Variants in GBE1 observed in about 807,000 individuals in gnomAD.
GBE1 encodes the protein 1,4-alpha-glucan-branching enzyme.
A neutral mutation model predicts 88.8 loss-of-function variants in GBE1; 70 were observed. The ratio of observed to expected loss-of-function variants is 0.79; its 90% CI spans 0.65 to 0.96. GBE1 has a LOEUF of 0.96. GBE1 is among the 40% of genes least tolerant of loss of function. The pLI is 0.00. For missense variants in GBE1, 872 were observed against 871.0 expected (o/e 1.00, Z -0.01); for synonymous variants, 284 against 300.1 (o/e 0.95, Z 0.56).
chr3:81,595,379 T>C (rs1451656016), intron 7 of GBE1, among the ~76,000 whole-genome samples: 2 of 151,820 alleles, frequency 1.3e-5, no homozygotes, highest in Admixed American at 6.6e-5. Context: ...ATATTGTTTA[T>C]AGTTTTCTTA....
At chr3:81,712,780 T>C (rs1705887664) in intron 1 of GBE1, among the ~76,000 whole-genome samples, 1 of 151,816 alleles carries the variant, frequency 6.6e-6, no homozygotes, top group Non-Finnish European at 1.5e-5. Context: ...ACATATACCC[T>C]AGAACTTAAA....
At chr3:81,684,278 A>G (rs574416001) in intron 2 of GBE1, among the ~76,000 whole-genome samples, 2 of 152,370 alleles carry the variant, frequency 1.3e-5, no homozygotes, top group East Asian at 3.9e-4. Flanking sequence ...TCAGCCCAGC[A>G]TCTATCTACT....
Position 81,535,080 on chromosome 3 carries a change from G to A in GBE1, c.1934+115C>T. 3.1e-6 allele frequency: 3 copies of A among 965,770 alleles called. No individual in the cohort carries two copies. In the East Asian group the frequency reaches 8.1e-5, roughly 26 times the overall value. The allele number at this position is 965,770 out of a possible 1,614,324, so 59.8% of individuals were successfully genotyped here. On this transcript the variant is annotated intron_variant, in intron 14 of 15. Transcript: ENST00000429644. ...TTAAGTTCCTCATTTTTCAGATGAG[G>A]AAAATGAATGTTTCTGTCATCAAGA... is the stretch of plus-strand genomic sequence containing the variant.
chr3:81,648,324 G>A (rs1016545834), intron 5 of GBE1, among the ~76,000 whole-genome samples: 1 of 152,006 alleles, frequency 6.6e-6, no homozygotes. Context: ...TTACTCTCCT[G>A]TTTGTTATGA....
intron 2 of GBE1, 54 bp downstream of exon 2, chr3:81,705,389 GT>G (rs1705759071): frequency 1.7e-6 from 2 of 1,191,628 alleles, no homozygotes; most frequent in Non-Finnish European, 1.2e-6. Context: ...AGAAATATAT[GT>G]ATTAAATAGT....
intron 3 of GBE1, among the ~76,000 whole-genome samples, chr3:81,656,474 AC>A (rs1437716331): frequency 6.6e-6 from 1 of 152,158 alleles, no homozygotes; most frequent in Non-Finnish European, 1.5e-5. Context: ...GCCTGGTGAT[AC>A]TGATTTTTAA....
At chr3:81,509,394 A>G (rs948100941) in intron 14 of GBE1, 5 of 151,022 alleles carry the variant, frequency 3.3e-5, no homozygotes, top group South Asian at 2.1e-4. Context: ...TTAAATACCT[A>G]CACACACTCT....
At chr3:81,616,772 T>G (rs180861533) in intron 7 of GBE1, among the ~76,000 whole-genome samples, 53 of 152,254 alleles carry the variant, frequency 3.5e-4, no homozygotes, top group African/African-American at 9.6e-4. Flanking sequence ...AAACAGCTTT[T>G]GATTTGGAGA....
Position 81,578,111 on chromosome 3 carries a change from G to C in GBE1, c.1447-15C>G. On this transcript the variant is annotated splice_polypyrimidine_tract_variant and intron_variant, in intron 11 of 15. Transcript: ENST00000429644. ...CCAACCAATGCCTACAGAAATAAAA[G>C]TAATGGAGATAAATGAAAAAAAAAA... 6.4e-7 allele frequency: 1 copy of C among 1,560,520 alleles called. No homozygotes were observed. Among genetic ancestry groups the C allele is most frequent in the Non-Finnish European group, 8.7e-7 (1 of 1,154,734 alleles).
intron 14 of GBE1, among the ~76,000 whole-genome samples, chr3:81,533,817 T>C (rs1173962537): frequency 6.6e-6 from 1 of 151,956 alleles, no homozygotes; most frequent in East Asian, 1.9e-4. Flanking sequence ...TGTTTGCATT[T>C]TGTTGTATCT....
chr3:81,737,381 ATATATATTTATATAAATATATTTT>A (rs1334512314), intron 1 of GBE1, among the ~76,000 whole-genome samples: 4 of 27,910 alleles, frequency 1.4e-4, no homozygotes, highest in African/African-American at 6.0e-4. Context: ...ATATATTTTT[ATATATATTTATATAAATATATTTT>A]TATATATTTA....
chr3:81,718,534 A>T (rs1182114381), intron 1 of GBE1, among the ~76,000 whole-genome samples: 1 of 152,166 alleles, frequency 6.6e-6, no homozygotes. Context: ...TCACACAGCT[A>T]GTCTGTGTGT....
At chr3:81,527,727 G>C (rs886730917) in intron 14 of GBE1, among the ~76,000 whole-genome samples, 1 of 152,124 alleles carries the variant, frequency 6.6e-6, no homozygotes, top group Non-Finnish European at 1.5e-5. Flanking sequence ...ACAGGTGCTG[G>C]AGAGGATGTG....
intron 12 of GBE1, among the ~76,000 whole-genome samples, chr3:81,573,394 G>T (rs1703600285): frequency 1.3e-5 from 2 of 152,064 alleles, no homozygotes; most frequent in African/African-American, 4.8e-5. Flanking sequence ...TTTGGCTAAA[G>T]CATATCATAT....
chr3:81,657,705 T>C (rs1401383180), intron 3 of GBE1, among the ~76,000 whole-genome samples: 5 of 152,184 alleles, frequency 3.3e-5, no homozygotes, highest in Non-Finnish European at 5.9e-5. Flanking sequence ...AACTGTTTTC[T>C]TGAAATTATT....
intron 7 of GBE1, among the ~76,000 whole-genome samples, chr3:81,635,986 G>A (rs1479197751): frequency 6.6e-6 from 1 of 152,120 alleles, no homozygotes. Flanking sequence ...TAGGCTTGTG[G>A]GGAATAAACG....
At chr3:81,563,053 G>A (rs1703441740) in intron 12 of GBE1, among the ~76,000 whole-genome samples, 1 of 152,004 alleles carries the variant, frequency 6.6e-6, no homozygotes, top group Admixed American at 6.6e-5. Context: ...TACGTTCTAT[G>A]AGATGACAGC....
chr3:81,527,289 C>T (rs1329257912), intron 14 of GBE1, among the ~76,000 whole-genome samples: 8 of 152,118 alleles, frequency 5.3e-5, no homozygotes, highest in Admixed American at 1.3e-4. Context: ...CTAGGCAATA[C>T]CATTCAGGAC....
At chr3:81,740,154 G>A (rs1706325487) in intron 1 of GBE1, among the ~76,000 whole-genome samples, 2 of 152,150 alleles carry the variant, frequency 1.3e-5, no homozygotes, top group South Asian at 4.1e-4. Context: ...GAGCCTAGGA[G>A]TTCAAGGCTG....
Sources: gnomAD v4.1 joint callset for allele counts (sites outside exome capture counted in the v4.1 genomes callset) on GRCh38, gnomAD v4.1.1 for gene constraint, MANE v1.5 for transcripts, NCBI Gene and HGNC (gene_info 2026-07-23, HGNC 2026-07-21) for gene names.